CEP63: variants seen among roughly 807,000 people sequenced by gnomAD.
CEP63 encodes the protein centrosomal protein 63, also known as centrosomal protein of 63 kDa.
In CEP63, 84 loss-of-function variants were observed where a neutral mutation model predicts 89.1. The ratio of observed to expected loss-of-function variants is 0.94; its 90% confidence interval spans 0.79 to 1.13. The LOEUF (loss-of-function observed/expected upper bound fraction) is 1.13, where lower values mean the gene tolerates loss of function less well. CEP63 is among the 50% of genes most tolerant of loss of function. The pLI is 0.00. For missense variants in CEP63, 838 were observed against 813.3 expected (o/e 1.03, Z -0.37); for synonymous variants, 267 against 272.5 (o/e 0.98, Z 0.20).
chr3:134,733,871 A>G, the CEP63 span, among the ~76,000 whole-genome samples: 4 of 150,886 alleles, frequency 2.7e-5, no homozygotes, highest in Admixed American at 6.6e-5. Context: ...AAACGCATGT[A>G]GATGGATACT....
At position 134,486,398 on chromosome 3, in the gene CEP63, T is replaced by C. The variant is rs1271724228; in HGVS notation, c.-26+196T>C. Reference sequence around the variant, plus strand: ...AACCACCAGGCGCGTCCCCGCCGGCTTGGGTCCGCCCCGAAGCCCAGTCCC... The same window carrying C: ...AACCACCAGGCGCGTCCCCGCCGGCCTGGGTCCGCCCCGAAGCCCAGTCCC... On this transcript the variant is annotated intron_variant, in intron 1 of 14. Coordinates refer to ENST00000675561, the MANE Select transcript of CEP63 (RefSeq NM_001353108.3). 8.1e-6 allele frequency: 8 copies of C among 985,394 alleles called. No homozygotes were observed. In the African/African-American group the frequency reaches 1.2e-4, roughly 15 times the overall value. 61.0% of individuals were successfully genotyped at this position (985,394 alleles called of 1,614,324 possible).
the CEP63 span, among the ~76,000 whole-genome samples, chr3:134,680,045 A>T: frequency 6.6e-6 from 1 of 152,144 alleles, no homozygotes; most frequent in African/African-American, 2.4e-5. Context: ...CTTATAATAA[A>T]AGGAGATTAA....
Position 134,507,173 on chromosome 3 carries a change from G to T in CEP63, c.109G>T (p.Ala37Ser). The T allele has an allele frequency of 6.2e-7, 1 of 1,613,364 alleles. No individual in the cohort carries two copies. Among genetic ancestry groups the T allele is most frequent in the Non-Finnish European group, 8.5e-7 (1 of 1,179,680 alleles). Residue 37 changes from alanine (A) to serine (S), a missense_variant, in exon 3 of 15, where the codon GCT becomes TCT. Ala to Ser is a moderately conservative substitution (Grantham distance 99, BLOSUM62 1). Coordinates refer to ENST00000675561, the MANE Select transcript of CEP63 (RefSeq NM_001353108.3). ...CATGAAACAGATTGACATAATGGTG[G>T]CTCATAAAAAATCTGAATGGGAAGG... ...ELMKQIDIMV[A>S]HKKSEWEGRT...
chr3:134,611,918 A>G, the CEP63 span, among the ~76,000 whole-genome samples: 1 of 152,254 alleles, frequency 6.6e-6, no homozygotes, highest in Admixed American at 6.5e-5. Context: ...TTAGCAAAAT[A>G]TTGGATTAAA....
intron 3 of CEP63, among the ~76,000 whole-genome samples, chr3:134,515,356 T>A (rs1945990069): frequency 6.6e-6 from 1 of 152,202 alleles, no homozygotes; most frequent in African/African-American, 2.4e-5. Context: ...GTAAATGCAG[T>A]AACTGGCTTA....
chr3:134,622,695 A>AT, the CEP63 span, among the ~76,000 whole-genome samples: 30 of 152,322 alleles, frequency 2.0e-4, no homozygotes, highest in South Asian at 4.4e-3. Flanking sequence ...TTATTTTATG[A>AT]TAAAAAAAGA....
chr3:134,689,829 A>G, the CEP63 span, among the ~76,000 whole-genome samples: 1 of 152,208 alleles, frequency 6.6e-6, no homozygotes, highest in Non-Finnish European at 1.5e-5. Context: ...AGATGTTACA[A>G]CTAAGTCAAT....
chr3:134,516,699 C>T (rs1946322336), intron 3 of CEP63, among the ~76,000 whole-genome samples: 1 of 152,184 alleles, frequency 6.6e-6, no homozygotes, highest in Non-Finnish European at 1.5e-5. Context: ...TCTTGCACAG[C>T]CCTTAATCCA....
chr3:134,601,837 T>C, the CEP63 span, among the ~76,000 whole-genome samples: 2 of 152,200 alleles, frequency 1.3e-5, no homozygotes, highest in Non-Finnish European at 2.9e-5. Flanking sequence ...TCCCGGGGGA[T>C]AATGAACAGA....
intron 3 of CEP63, among the ~76,000 whole-genome samples, chr3:134,515,353 C>T (rs1945988046): frequency 6.6e-6 from 1 of 152,190 alleles, no homozygotes; most frequent in South Asian, 2.1e-4. Context: ...AATGTAAATG[C>T]AGTAACTGGC....
chr3:134,752,415 A>T, the CEP63 span, among the ~76,000 whole-genome samples: 2 of 152,074 alleles, frequency 1.3e-5, no homozygotes, highest in Non-Finnish European at 2.9e-5. Context: ...TGTCAAGGAG[A>T]GGGAAGCCCG....
At chr3:134,747,418 A>G in the CEP63 span, among the ~76,000 whole-genome samples, 1 of 152,232 alleles carries the variant, frequency 6.6e-6, no homozygotes, top group Non-Finnish European at 1.5e-5. Context: ...CTGATCACTA[A>G]ACAGACAATC....
the CEP63 span, among the ~76,000 whole-genome samples, chr3:134,646,464 C>A: frequency 6.6e-6 from 1 of 152,138 alleles, no homozygotes; most frequent in Admixed American, 6.5e-5. Context: ...CCCCTGAGGG[C>A]AGTGTTCTTG....
At chr3:134,687,878 C>A in the CEP63 span, among the ~76,000 whole-genome samples, 1 of 152,160 alleles carries the variant, frequency 6.6e-6, no homozygotes. Context: ...AAATTCACAA[C>A]CCACAAATAG....
chr3:134,603,613 G>A, the CEP63 span: 155 of 1,599,258 alleles, frequency 9.7e-5, no homozygotes, highest in Non-Finnish European at 1.1e-4. Flanking sequence ...CAGGATGTAG[G>A]AGTAGAAATT....
the CEP63 span, among the ~76,000 whole-genome samples, chr3:134,729,528 C>T: frequency 6.6e-6 from 1 of 152,184 alleles, no homozygotes; most frequent in Non-Finnish European, 1.5e-5. Flanking sequence ...GTAGCTTGAG[C>T]AGACACAGTT....
downstream of CEP63, among the ~76,000 whole-genome samples, chr3:134,577,628 A>G (rs1398008319): frequency 2.0e-5 from 3 of 150,828 alleles, no homozygotes; most frequent in African/African-American, 7.3e-5. Context: ...TCTTACTTTG[A>G]GTTCTGGAAT....
the CEP63 span, among the ~76,000 whole-genome samples, chr3:134,628,942 A>T: frequency 6.6e-6 from 1 of 152,232 alleles, no homozygotes. Flanking sequence ...GGCTCACTGC[A>T]TGGACCTAAA....
At chr3:134,607,193 C>A in the CEP63 span, 2 of 985,334 alleles carry the variant, frequency 2.0e-6, no homozygotes, top group Non-Finnish European at 2.4e-6. Context: ...GTTGTAAGCA[C>A]AGGAAATGGA....
Sources: gnomAD v4.1 joint callset for allele counts (sites outside exome capture counted in the v4.1 genomes callset) on GRCh38, gnomAD v4.1.1 for gene constraint, MANE v1.5 for transcripts, NCBI Gene and HGNC (gene_info 2026-07-23, HGNC 2026-07-21) for gene names.